PPM1H: variants seen among roughly 807,000 people sequenced by gnomAD.
PPM1H encodes protein phosphatase 1H.
A neutral mutation model predicts 54.9 loss-of-function variants in PPM1H; 27 were observed. The observed-to-expected ratio is 0.49, with a 90% CI of 0.36 to 0.68. The LOEUF (loss-of-function observed/expected upper bound fraction) is 0.68. Among genes scored for constraint, PPM1H ranks in the 30% least tolerant of loss-of-function variants. The pLI is 0.00. For missense variants in PPM1H, 596 were observed against 667.8 expected, an observed-to-expected ratio of 0.89 and a Z score of 1.19; for synonymous variants, 305 against 270.8, an observed-to-expected ratio of 1.13 and a Z score of -1.24.
At chr12:62,697,572 G>A (rs1445664432) in intron 6 of PPM1H, among the ~76,000 whole-genome samples, 1 of 152,116 alleles carries the variant, frequency 6.6e-6, no homozygotes, top group Non-Finnish European at 1.5e-5. Context: ...TATAGTCCAT[G>A]TCAAGGCTAT....
Position 62,665,760 on chromosome 12 carries a change from G to A in PPM1H, c.1397+1418C>T, listed in dbSNP as rs1340393703. Among the ~76,000 whole-genome samples, 6 of 151,242 alleles carry A rather than the reference G, an allele frequency of 4.0e-5. No individual in the cohort carries two copies. In the East Asian group the frequency reaches 7.7e-4, roughly 20 times the overall value. On this transcript the variant is annotated intron_variant, in intron 9 of 9. Coordinates refer to ENST00000228705, the MANE Select transcript of PPM1H (RefSeq NM_020700.2). ...TAAATTTTTTTGTTTGTTTTGAGAC[G>A]GAGTCTTGCTCTGCTGCCCAGGCTG... is the stretch of plus-strand genomic sequence containing the variant.
At position 62,667,221 on chromosome 12, in the gene PPM1H, T is replaced by C; in HGVS notation, c.1354A>G (p.Ile452Val). 1 of 1,601,044 alleles carries C rather than the reference T, an allele frequency of 6.2e-7. No individual in the cohort carries two copies. The highest frequency in any genetic ancestry group is 8.6e-7 in the Non-Finnish European group (1 of 1,168,260). ...VLSNEEVAEA[I>V]TQFLPNCDPD... ...TCACAGTTAGGAAGAAACTGAGTGATTGCTTCTGCTACTTCTTCATTTGAT... is the reference window on the plus strand; with the variant it reads ...TCACAGTTAGGAAGAAACTGAGTGACTGCTTCTGCTACTTCTTCATTTGAT... The change falls in exon 9 of 10, where the codon ATC becomes GTC. Residue 452 changes from isoleucine to valine, a missense_variant. By Grantham distance (29) the Ile-to-Val change is conservative. This residue lies in a region of PPM1H where 208 missense variants were observed against 259.5 expected (regional missense o/e 0.80). Coordinates refer to ENST00000228705, the MANE Select transcript of PPM1H (RefSeq NM_020700.2).
In PPM1H at chr12:62,787,236, G is replaced by A. The variant is rs531077875; in HGVS notation, c.869+990C>T. Among the ~76,000 whole-genome samples, 5 of 152,182 alleles carry A rather than the reference G, an allele frequency of 3.3e-5. No homozygotes were observed. In the East Asian group the frequency reaches 9.7e-4, roughly 29 times the overall value. ...AGGGAAGGGGAAAGGGAAGGGGTGG[G>A]ATCAGACCTCAAAAAGGGTGGAGCA... On this transcript the variant is annotated intron_variant, in intron 4 of 9. Transcript: ENST00000228705.
At chr12:62,726,190 A>G (rs1245906993) in intron 5 of PPM1H, among the ~76,000 whole-genome samples, 1 of 152,210 alleles carries the variant, frequency 6.6e-6, no homozygotes, top group Non-Finnish European at 1.5e-5. Flanking sequence ...AACAGAGCAA[A>G]CATATGGTTG....
chr12:62,925,803 C>T (rs1871953940), intron 1 of PPM1H, among the ~76,000 whole-genome samples: 1 of 152,222 alleles, frequency 6.6e-6, no homozygotes, highest in South Asian at 2.1e-4. Flanking sequence ...CTAGCCTAGA[C>T]AGCTCCCCAA....
chr12:62,730,187 T>C (rs530503295), intron 5 of PPM1H, among the ~76,000 whole-genome samples: 2 of 152,288 alleles, frequency 1.3e-5, no homozygotes, highest in Non-Finnish European at 2.9e-5. Context: ...CCCACCTGCA[T>C]CCAGGTGAAA....
At chr12:62,657,430 G>A (rs183961671) in intron 9 of PPM1H, among the ~76,000 whole-genome samples, 103 of 152,334 alleles carry the variant, frequency 6.8e-4, no homozygotes, top group Middle Eastern at 3.4e-3. Context: ...AACAGGATGG[G>A]ACGGTGGTTG....
At chr12:62,775,130 G>A (rs952557149) in intron 4 of PPM1H, among the ~76,000 whole-genome samples, 1 of 152,164 alleles carries the variant, frequency 6.6e-6, no homozygotes, top group Non-Finnish European at 1.5e-5. Flanking sequence ...ATAGAGGGAC[G>A]GGAGGATGGA....
chr12:62,860,775 A>C (rs999397683), intron 1 of PPM1H, among the ~76,000 whole-genome samples: 2 of 152,198 alleles, frequency 1.3e-5, no homozygotes, highest in African/African-American at 2.4e-5. Context: ...TCATATTCCA[A>C]TATCCCCTGC....
At chr12:62,664,041 G>A (rs1352683500) in intron 9 of PPM1H, among the ~76,000 whole-genome samples, 1 of 150,832 alleles carries the variant, frequency 6.6e-6, no homozygotes, top group Non-Finnish European at 1.5e-5. Context: ...GAAGAATATA[G>A]ACCGAACTAG....
intron 9 of PPM1H, among the ~76,000 whole-genome samples, chr12:62,664,671 T>C (rs1446391157): frequency 3.3e-5 from 5 of 152,362 alleles, no homozygotes; most frequent in African/African-American, 9.6e-5. Flanking sequence ...TATATTTAAA[T>C]ATGACCACAT....
chr12:62,841,862 A>G (rs1299180280), intron 1 of PPM1H, among the ~76,000 whole-genome samples: 1 of 152,218 alleles, frequency 6.6e-6, no homozygotes, highest in African/African-American at 2.4e-5. Flanking sequence ...ATTTCCCCCC[A>G]TAAATATCAG....
chr12:62,688,609 C>G (rs897487350), intron 8 of PPM1H, among the ~76,000 whole-genome samples: 4 of 151,902 alleles, frequency 2.6e-5, no homozygotes, highest in Admixed American at 2.6e-4. Context: ...AATATATGAC[C>G]AACTTGTTTG....
intron 5 of PPM1H, among the ~76,000 whole-genome samples, chr12:62,728,944 A>T (rs1236397164): frequency 6.6e-6 from 1 of 151,794 alleles, no homozygotes; most frequent in South Asian, 2.1e-4. Context: ...CCTTTTGATA[A>T]TTTTTTTTTC....
Position 62,831,923 on chromosome 12 carries a change from T to G in PPM1H, c.411+191A>C, listed in dbSNP as rs373746178. 2.0e-5 allele frequency among the ~76,000 whole-genome samples: 3 copies of G among 152,020 alleles called. No individual in the cohort carries two copies. In the East Asian group the frequency reaches 5.8e-4, roughly 30 times the overall value. ...TTGTGTTAAAAACCTAACCACAAGC[T>G]GGTCATACATGTGTCGCCTTCAGCT... is the stretch of plus-strand genomic sequence containing the variant. On this transcript the variant is annotated intron_variant, in intron 2 of 9. Transcript: ENST00000228705.
chr12:62,754,936 G>C (rs1323106524), intron 4 of PPM1H, among the ~76,000 whole-genome samples: 1 of 152,144 alleles, frequency 6.6e-6, no homozygotes, highest in Non-Finnish European at 1.5e-5. Flanking sequence ...AGGTTTTAAG[G>C]ATGTTATCTT....
At chr12:62,740,543 C>T (rs997927873) in intron 4 of PPM1H, among the ~76,000 whole-genome samples, 26 of 152,168 alleles carry the variant, frequency 1.7e-4, no homozygotes, top group Admixed American at 7.2e-4. Context: ...GACCCCTATC[C>T]CTCCATACGT....
At chr12:62,726,623 G>A (rs1355666388) in intron 5 of PPM1H, among the ~76,000 whole-genome samples, 1 of 152,206 alleles carries the variant, frequency 6.6e-6, no homozygotes, top group Non-Finnish European at 1.5e-5. Flanking sequence ...ATGCGGGGAT[G>A]TGGAAGCCGC....
chr12:62,836,250 C>G (rs969885212), intron 1 of PPM1H, among the ~76,000 whole-genome samples: 6 of 152,186 alleles, frequency 3.9e-5, no homozygotes, highest in African/African-American at 9.6e-5. Context: ...GGAAATTAAA[C>G]TGGAGGTAAT....
Sources: gnomAD v4.1 joint callset for allele counts (sites outside exome capture counted in the v4.1 genomes callset) on GRCh38, gnomAD v4.1.1 for gene constraint, gnomAD v4.1.1 regional missense constraint, MANE v1.5 for transcripts, NCBI Gene and HGNC (gene_info 2026-07-23, HGNC 2026-07-21) for gene names.